GRIK1: variants seen among roughly 807,000 people sequenced by gnomAD.
GRIK1 encodes glutamate receptor ionotropic, kainate 1.
A neutral mutation model predicts 105.7 loss-of-function variants in GRIK1; 69 were observed. The observed-to-expected ratio is 0.65, with a 90% CI of 0.54 to 0.80. The LOEUF is 0.80. GRIK1 is among the 30% of genes least tolerant of loss of function. The pLI is 0.00. For missense variants in GRIK1, 1,109 were observed against 1,167.3 expected, an observed-to-expected ratio of 0.95 and a Z score of 0.73; for synonymous variants, 438 against 431.3, an observed-to-expected ratio of 1.02 and a Z score of -0.19.
intron 2 of GRIK1, among the ~76,000 whole-genome samples, chr21:29,691,927 T>A (rs2063591450): frequency 6.6e-6 from 1 of 152,206 alleles, no homozygotes; most frequent in African/African-American, 2.4e-5. Context: ...TTGTCCATTA[T>A]GTGCTGGAAG....
intron 1 of GRIK1, among the ~76,000 whole-genome samples, chr21:29,700,144 G>C (rs1019418274): frequency 6.6e-6 from 1 of 152,200 alleles, no homozygotes; most frequent in African/African-American, 2.4e-5. Flanking sequence ...ATTTCTGTCT[G>C]TTTTGGGTAG....
At chr21:29,800,238 G>A (rs2066667194) in intron 1 of GRIK1, among the ~76,000 whole-genome samples, 1 of 152,146 alleles carries the variant, frequency 6.6e-6, no homozygotes, top group Admixed American at 6.5e-5. Flanking sequence ...CTCTAGGCAT[G>A]CAACAATTCA....
intron 14 of GRIK1, among the ~76,000 whole-genome samples, chr21:29,569,563 G>A (rs1441362217): frequency 2.0e-5 from 3 of 152,198 alleles, no homozygotes; most frequent in African/African-American, 7.2e-5. Context: ...TTCTTGAGAA[G>A]AAGACTAGCT....
intron 1 of GRIK1, among the ~76,000 whole-genome samples, chr21:29,850,994 A>C (rs1405540660): frequency 6.6e-6 from 1 of 152,226 alleles, no homozygotes; most frequent in African/African-American, 2.4e-5. Flanking sequence ...CAGTCTGTAC[A>C]AACTCTTAGC....
chr21:29,907,701 G>T (rs1034479837), intron 1 of GRIK1, among the ~76,000 whole-genome samples: 4 of 152,056 alleles, frequency 2.6e-5, no homozygotes, highest in African/African-American at 9.7e-5. Flanking sequence ...ACAGAAAGCT[G>T]AAGGACAAGA....
At chr21:29,592,223 T>C (rs1568859529) in intron 9 of GRIK1, among the ~76,000 whole-genome samples, 1 of 152,246 alleles carries the variant, frequency 6.6e-6, no homozygotes, top group East Asian at 1.9e-4. Context: ...GCAGCTAGCG[T>C]CTTCTGTTAT....
chr21:29,637,473 A>C (rs1489266309), intron 7 of GRIK1, among the ~76,000 whole-genome samples: 1 of 152,198 alleles, frequency 6.6e-6, no homozygotes, highest in Non-Finnish European at 1.5e-5. Flanking sequence ...ATGTTTGTTT[A>C]CCCCTAAAAT....
At chr21:29,586,557 T>C (rs1219205467) in intron 12 of GRIK1, among the ~76,000 whole-genome samples, 1 of 152,192 alleles carries the variant, frequency 6.6e-6, no homozygotes, top group Non-Finnish European at 1.5e-5. Flanking sequence ...AGTAGGGACA[T>C]ACAAAAGCAA....
chr21:29,663,278 T>C (rs2063001234), intron 4 of GRIK1, among the ~76,000 whole-genome samples: 1 of 152,198 alleles, frequency 6.6e-6, no homozygotes, highest in Non-Finnish European at 1.5e-5. Flanking sequence ...CATATGGTTA[T>C]TTAAGACCAA....
intron 1 of GRIK1, among the ~76,000 whole-genome samples, chr21:29,738,395 T>A (rs1003883685): frequency 2.0e-5 from 3 of 152,240 alleles, no homozygotes; most frequent in African/African-American, 7.2e-5. Flanking sequence ...TTTTGAGGTG[T>A]TACCTCCATC....
chr21:29,858,144 C>T (rs2146079227), intron 1 of GRIK1, among the ~76,000 whole-genome samples: 1 of 152,210 alleles, frequency 6.6e-6, no homozygotes, highest in South Asian at 2.1e-4. Context: ...AGTGATCTGC[C>T]CACTTCGGTC....
At chr21:29,560,700 C>G (rs2090458809) in intron 15 of GRIK1, among the ~76,000 whole-genome samples, 1 of 151,040 alleles carries the variant, frequency 6.6e-6, no homozygotes, top group Non-Finnish European at 1.5e-5. Flanking sequence ...CTCCCGGGTT[C>G]AAATGATTCT....
At chr21:29,647,657 C>T (rs549284113) in intron 6 of GRIK1, among the ~76,000 whole-genome samples, 1 of 152,176 alleles carries the variant, frequency 6.6e-6, no homozygotes, top group Admixed American at 6.5e-5. Context: ...TGAGAAGGAC[C>T]CATTTGAGAA....
At chr21:29,611,289 T>C (rs1321669046) in intron 7 of GRIK1, among the ~76,000 whole-genome samples, 1 of 152,206 alleles carries the variant, frequency 6.6e-6, no homozygotes, top group Non-Finnish European at 1.5e-5. Flanking sequence ...GCAAGTCTAG[T>C]ACAGAAGATG....
At chr21:29,891,788 TA>T (rs1191566774) in intron 1 of GRIK1, among the ~76,000 whole-genome samples, 9 of 152,156 alleles carry the variant, frequency 5.9e-5, no homozygotes, top group Non-Finnish European at 8.8e-5. Flanking sequence ...TCTCTACTGT[TA>T]AAAAAATTTA....
Position 29,587,355 on chromosome 21 carries a change from C to G in GRIK1, c.1793+11G>C, listed in dbSNP as rs1227205727. 1.3e-6 allele frequency: 2 copies of G among 1,562,244 alleles called. No homozygotes were observed. Among genetic ancestry groups the G allele is most frequent in the Non-Finnish European group, 1.8e-6 (2 of 1,133,090 alleles). On this transcript the variant is annotated intron_variant, in intron 12 of 17. Coordinates refer to ENST00000327783, the MANE Select transcript of GRIK1 (RefSeq NM_001330994.2). ...TACACCTCTTGTGAATTCAGTGATT[C>G]TCAAACTTACCTTGCAATCACAAAG...
intron 16 of GRIK1, among the ~76,000 whole-genome samples, chr21:29,547,189 T>C (rs117634332): frequency 0.019 from 2,863 of 152,348 alleles, 49 homozygotes; most frequent in Non-Finnish European, 0.03. Flanking sequence ...CTGTCTGTAA[T>C]GATTTGCTTA....
intron 1 of GRIK1, among the ~76,000 whole-genome samples, chr21:29,751,360 T>G (rs1370095585): frequency 6.6e-6 from 1 of 152,208 alleles, no homozygotes; most frequent in African/African-American, 2.4e-5. Context: ...ACTGCAGCCT[T>G]TTGCACATTT....
chr21:29,598,256 A>G (rs1189065348), intron 8 of GRIK1, among the ~76,000 whole-genome samples: 1 of 152,208 alleles, frequency 6.6e-6, no homozygotes, highest in Non-Finnish European at 1.5e-5. Context: ...TTAAACATGG[A>G]GAGATTCAGA....
Sources: allele counts gnomAD v4.1 joint callset (sites outside exome capture counted in the v4.1 genomes callset), GRCh38; gene constraint gnomAD v4.1.1; transcripts MANE v1.5; gene names NCBI Gene and HGNC (gene_info 2026-07-23, HGNC 2026-07-21).